The following FCHO1 variants were observed in gnomAD, a reference collection of about 807,000 sequenced individuals.
FCHO1 encodes F-BAR domain only protein 1.
A neutral mutation model predicts 114.4 loss-of-function variants in FCHO1; 45 were observed. That is an observed-to-expected ratio of 0.39 (90% CI 0.31 to 0.50). FCHO1 has a LOEUF of 0.50. Among genes scored for constraint, FCHO1 ranks in the 20% least tolerant of loss-of-function variants. The probability of loss-of-function intolerance (pLI) is 0.77; values close to 1 mark genes in which losing one functional copy is unlikely to be tolerated. For synonymous variants in FCHO1, 480 were observed against 488.9 expected (o/e 0.98, Z 0.24); for missense variants, 1,042 against 1,209.6 (o/e 0.86, Z 2.06).
intron 1 of FCHO1, among the ~76,000 whole-genome samples, chr19:17,753,117 A>C (rs1568311036): frequency 6.6e-6 from 1 of 152,088 alleles, no homozygotes; most frequent in Non-Finnish European, 1.5e-5. Context: ...ACATGGGGCT[A>C]GTGGTTCCCA....
chr19:17,779,696 G>C (rs1013501518), intron 20 of FCHO1, among the ~76,000 whole-genome samples: 1 of 128,972 alleles, frequency 7.8e-6, no homozygotes, highest in Non-Finnish European at 1.7e-5. Context: ...TCAAGGGAGG[G>C]AGGAGGATGG....
At chr19:17,748,411 C>T (rs1029499376), upstream of FCHO1, among the ~76,000 whole-genome samples, 1 of 151,700 alleles carries the variant, frequency 6.6e-6, no homozygotes, top group African/African-American at 2.4e-5. Context: ...TCTGTGGGGA[C>T]CCCAAGGTTG....
chr19:17,775,151 G>C lies in FCHO1; in HGVS notation c.945+71G>C. 6.6e-7 allele frequency: 1 copy of C among 1,518,374 alleles called. No homozygotes were observed. Among genetic ancestry groups the C allele is most frequent in the Non-Finnish European group, 9.0e-7 (1 of 1,109,906 alleles). The allele number at this position is 1,518,374 out of a possible 1,614,324, so 94.1% of individuals were successfully genotyped here. ...TTTGATCCCACTCTTGGCTCCTAGA[G>C]TCCCGATCCCTACTGGAAACTAAAG... On this transcript the variant is annotated intron_variant, in intron 14 of 28. Coordinates refer to ENST00000596536, the MANE Select transcript of FCHO1 (RefSeq NM_015122.3). This position sits in a 1 kb window ranked among gnomAD's most constrained non-coding sequence, Gnocchi z 5.1.
intron 7 of FCHO1, among the ~76,000 whole-genome samples, chr19:17,767,574 A>AG: frequency 6.6e-6 from 1 of 151,576 alleles, no homozygotes. Context: ...AAAAAAAAAA[A>AG]AAAAAAAAAC....
chr19:17,772,545 A>G lies in FCHO1; in HGVS notation c.683A>G (p.Gln228Arg). Residue 228 changes from glutamine to arginine, a missense_variant, in exon 10 of 29, where the codon CAG becomes CGG. Physicochemically the swap from Gln to Arg is conservative, Grantham distance 43 (BLOSUM62 1). Around this residue, in one of 3 missense-constraint regions of FCHO1, gnomAD observed 450 missense variants for 564.1 expected, o/e 0.80. Coordinates refer to ENST00000596536, the MANE Select transcript of FCHO1 (RefSeq NM_015122.3). The part of the protein sequence containing the change: ...YAHSVEDTHV[Q>R]IGQVHEEFKQ... The stretch of plus-strand genomic sequence containing the variant: ...CACTCGGTGGAGGACACGCACGTGC[A>G]GATTGGGCAGGTGAGTTGGGCAGGT... 2 of 1,614,128 alleles carry G rather than the reference A, an allele frequency of 1.2e-6. No individual in the cohort carries two copies. The highest frequency in any genetic ancestry group is 8.5e-7 in the Non-Finnish European group (1 of 1,179,976).
At chr19:17,778,906 C>A in intron 20 of FCHO1, 22 bp downstream of exon 20, 1 of 1,513,094 alleles carries the variant, frequency 6.6e-7, no homozygotes, top group Non-Finnish European at 8.8e-7. Flanking sequence ...GGGCCTGGGC[C>A]TGAGAGTTGC....
At chr19:17,777,199 G>T (rs978306068) in intron 18 of FCHO1, among the ~76,000 whole-genome samples, 8 of 152,098 alleles carry the variant, frequency 5.3e-5, no homozygotes, top group Non-Finnish European at 1.0e-4. Flanking sequence ...TCTGAGACAG[G>T]TCTCCCTTCT....
At chr19:17,761,394 T>C (rs1568325086) in intron 4 of FCHO1, among the ~76,000 whole-genome samples, 1 of 67,320 alleles carries the variant, frequency 1.5e-5, no homozygotes, top group Non-Finnish European at 3.5e-5. Context: ...CAACTCAATT[T>C]AACACACTTT....
At position 17,751,740 on chromosome 19, in the gene FCHO1, C is replaced by T. The variant is rs1040216491; in HGVS notation, c.-183+163C>T. Among the ~76,000 whole-genome samples the T allele has an allele frequency of 6.6e-6, 1 of 152,240 alleles. No homozygotes were observed. Among genetic ancestry groups the T allele is most frequent in the Non-Finnish European group, 1.5e-5 (1 of 68,044 alleles). On this transcript the variant is annotated intron_variant, in intron 1 of 28. Transcript: ENST00000596536. This position sits in a 1 kb window ranked among gnomAD's most constrained non-coding sequence, Gnocchi z 4.4. ...CATGGGGCCACCCGTTGCCCTGCCC[C>T]CCGTCCCCCATTCCAGCTGTGAGTG...
At chr19:17,749,109 C>T (rs1244686873), upstream of FCHO1, among the ~76,000 whole-genome samples, 1 of 152,140 alleles carries the variant, frequency 6.6e-6, no homozygotes, top group African/African-American at 2.4e-5. Flanking sequence ...TTAGGGCACA[C>T]CCTGACCCAC....
At position 17,775,218 on chromosome 19, in the gene FCHO1, C is replaced by A; in HGVS notation, c.945+138C>A. 1.0e-6 allele frequency: 1 copy of A among 979,646 alleles called. No homozygotes were observed. Among genetic ancestry groups the A allele is most frequent in the Non-Finnish European group, 1.5e-6 (1 of 649,850 alleles). 60.7% of individuals were successfully genotyped at this position (979,646 alleles called of 1,614,324 possible). On this transcript the variant is annotated intron_variant, in intron 14 of 28. Coordinates refer to ENST00000596536, the MANE Select transcript of FCHO1 (RefSeq NM_015122.3). This position sits in a 1 kb window ranked among gnomAD's most constrained non-coding sequence, Gnocchi z 5.1. ...CGGGCTGGAGCCTGGGGGCTGGGTT[C>A]ATATCCCACCTCAGCTGCAAAGTCC...
At chr19:17,756,579 A>T (rs917001457) in intron 4 of FCHO1, among the ~76,000 whole-genome samples, 5 of 152,078 alleles carry the variant, frequency 3.3e-5, no homozygotes, top group African/African-American at 9.7e-5. Flanking sequence ...GAAGCCCTTG[A>T]GCAAATGACT....
chr19:17,774,576 G>A (rs1599707658), intron 13 of FCHO1, 98 bp downstream of exon 13: 4 of 932,224 alleles, frequency 4.3e-6, no homozygotes, highest in Non-Finnish European at 6.6e-6. Context: ...TAGCCCAGGA[G>A]TATCCATATT....
chr19:17,760,653 G>A (rs1200847461), intron 4 of FCHO1, among the ~76,000 whole-genome samples: 1 of 152,096 alleles, frequency 6.6e-6, no homozygotes, highest in Non-Finnish European at 1.5e-5. Flanking sequence ...GGATTATCTT[G>A]CTGCTTGTAT....
intron 5 of FCHO1, among the ~76,000 whole-genome samples, chr19:17,763,839 A>C (rs756219120): frequency 1.3e-5 from 2 of 152,036 alleles, no homozygotes; most frequent in African/African-American, 4.8e-5. Flanking sequence ...CTGGGATTAC[A>C]GGCATGAGTC....
chr19:17,773,153 G>A (rs903859611), intron 11 of FCHO1, among the ~76,000 whole-genome samples: 10 of 152,230 alleles, frequency 6.6e-5, no homozygotes, highest in African/African-American at 2.4e-4. Flanking sequence ...TTGGGAATGC[G>A]CAGATGCAGG....
intron 6 of FCHO1, 84 bp from the exon 7 acceptor site, chr19:17,766,585 C>A: frequency 6.5e-7 from 1 of 1,536,392 alleles, no homozygotes; most frequent in Non-Finnish European, 8.9e-7. Flanking sequence ...GCTCAGCGTG[C>A]AGCACATACC....
chr19:17,776,676 A>G lies in FCHO1; in HGVS notation c.1249A>G (p.Arg417Gly). The G allele has an allele frequency of 6.2e-7, 1 of 1,613,686 alleles. No homozygotes were observed. The highest frequency in any genetic ancestry group is 1.1e-5 in the South Asian group (1 of 91,074). Reference sequence around the variant, plus strand: ...ACCCCAGAGACCTCGGTCTGCCCCCAGAACCAGCAGGTGGGTTCCACACGA... The same window carrying G: ...ACCCCAGAGACCTCGGTCTGCCCCCGGAACCAGCAGGTGGGTTCCACACGA... ...GKPQRPRSAPRTSSCAERLQS... is the reference protein window; with the variant it reads ...GKPQRPRSAPGTSSCAERLQS... The change falls in exon 18 of 29, where the codon AGA becomes GGA. Residue 417 changes from arginine to glycine, a missense_variant. By Grantham distance (125) the Arg-to-Gly change is moderately radical. Transcript: ENST00000596536. The surrounding 1 kb of genome is among the most constrained non-coding windows in gnomAD (Gnocchi z 4.4).
At chr19:17,765,869 T>TGAA (rs1375420056) in intron 6 of FCHO1, among the ~76,000 whole-genome samples, 5 of 142,616 alleles carry the variant, frequency 3.5e-5, no homozygotes, top group African/African-American at 1.3e-4. Flanking sequence ...GGGCATGTGG[T>TGAA]GTCTTAGTCA....
Sources: gnomAD v4.1 joint callset for allele counts (sites outside exome capture counted in the v4.1 genomes callset) on GRCh38, gnomAD v4.1.1 for gene constraint, gnomAD v4.1.1 regional missense constraint, Gnocchi (gnomAD v3.1) non-coding constraint, MANE v1.5 for transcripts, NCBI Gene and HGNC (gene_info 2026-07-23, HGNC 2026-07-21) for gene names.